TACR1: variants seen among roughly 807,000 people sequenced by gnomAD.
The protein encoded by TACR1 is tachykinin receptor 1.
In TACR1, 25 loss-of-function variants were observed where a neutral mutation model predicts 35.8. The ratio of observed to expected loss-of-function variants is 0.70; its 90% CI spans 0.51 to 0.98. TACR1 has a LOEUF of 0.98. Among genes scored for constraint, TACR1 ranks in the 50% least tolerant of loss-of-function variants. The pLI is 0.00. For synonymous variants in TACR1, 195 were observed against 206.7 expected (o/e 0.94, Z 0.48); for missense variants, 478 against 522.9 (o/e 0.91, Z 0.84).
At chr2:75,154,401 A>AGTGCGCGCGCGCGCGC (rs1553380901) in intron 1 of TACR1, 1 of 76,442 alleles carries the variant, frequency 1.3e-5, no homozygotes, top group Non-Finnish European at 2.7e-5. Flanking sequence ...ATCAGCCAAG[A>AGTGCGCGCGCGCGCGC]GCGCGCACGC....
At chr2:75,167,896 C>T (rs534772702) in intron 1 of TACR1, among the ~76,000 whole-genome samples, 1 of 152,044 alleles carries the variant, frequency 6.6e-6, no homozygotes, top group Admixed American at 6.6e-5. Flanking sequence ...CCATTGTTCA[C>T]TCATCAAATT....
chr2:75,080,924 C>G (rs979292214), intron 2 of TACR1, among the ~76,000 whole-genome samples: 1 of 151,552 alleles, frequency 6.6e-6, no homozygotes, highest in Admixed American at 6.6e-5. Context: ...GGAAGGAAGC[C>G]GTGGGTAGAA....
intron 1 of TACR1, among the ~76,000 whole-genome samples, chr2:75,182,270 A>G (rs536018521): frequency 1.2e-4 from 19 of 152,156 alleles, no homozygotes; most frequent in Non-Finnish European, 2.8e-4. Context: ...CATTGCCCCA[A>G]AATTTCTCTC....
At chr2:75,124,568 A>C (rs1674037267) in intron 1 of TACR1, among the ~76,000 whole-genome samples, 1 of 152,202 alleles carries the variant, frequency 6.6e-6, no homozygotes, top group African/African-American at 2.4e-5. Flanking sequence ...AGTCTAGCTC[A>C]AGGGTTGGCA....
At chr2:75,166,165 T>C (rs1675138604) in intron 1 of TACR1, among the ~76,000 whole-genome samples, 1 of 152,350 alleles carries the variant, frequency 6.6e-6, no homozygotes, top group African/African-American at 2.4e-5. Flanking sequence ...ACATTCATTA[T>C]TTAATAAAAT....
At chr2:75,147,088 T>C (rs982934216) in intron 1 of TACR1, among the ~76,000 whole-genome samples, 1 of 152,212 alleles carries the variant, frequency 6.6e-6, no homozygotes, top group African/African-American at 2.4e-5. Flanking sequence ...AGACGGTGAG[T>C]AGGATTCCTG....
intron 3 of TACR1, 69 bp from the exon 4 acceptor site, chr2:75,051,516 T>G: frequency 6.3e-7 from 1 of 1,586,040 alleles, no homozygotes; most frequent in Middle Eastern, 2.1e-4. Context: ...TCCTCTCTCC[T>G]CCCACGCCCT....
intron 1 of TACR1, among the ~76,000 whole-genome samples, chr2:75,153,634 G>T (rs1326491519): frequency 6.6e-6 from 1 of 152,182 alleles, no homozygotes; most frequent in Admixed American, 6.5e-5. Context: ...GAGTATTATT[G>T]AAATTGTGTA....
At chr2:75,190,150 T>G (rs541922090) in intron 1 of TACR1, among the ~76,000 whole-genome samples, 1 of 152,344 alleles carries the variant, frequency 6.6e-6, no homozygotes, top group East Asian at 1.9e-4. Flanking sequence ...ACAAATTGAA[T>G]ATCAATTAAA....
intron 1 of TACR1, among the ~76,000 whole-genome samples, chr2:75,171,214 G>C (rs1443136190): frequency 6.6e-6 from 1 of 152,172 alleles, no homozygotes; most frequent in African/African-American, 2.4e-5. Flanking sequence ...TTCCAGCTGT[G>C]GCTAAAAGGG....
chr2:75,056,155 G>A (rs1483725315), intron 2 of TACR1, among the ~76,000 whole-genome samples: 1 of 152,162 alleles, frequency 6.6e-6, no homozygotes, highest in Non-Finnish European at 1.5e-5. Context: ...GTGATTTAAT[G>A]ACTTTATTCA....
intron 1 of TACR1, among the ~76,000 whole-genome samples, chr2:75,123,210 C>T (rs1174289909): frequency 2.0e-5 from 3 of 152,238 alleles, no homozygotes; most frequent in Non-Finnish European, 4.4e-5. Flanking sequence ...ATAGTTCCTA[C>T]CCTCACTGGC....
intron 1 of TACR1, chr2:75,156,383 G>C (rs1454536137): frequency 6.6e-6 from 1 of 151,310 alleles, no homozygotes; most frequent in African/African-American, 2.4e-5. Flanking sequence ...TGGGAGGCCA[G>C]GGCGGGCGGA....
rs921648641 is a variant in TACR1 at position 75,047,383 on chromosome 2, A to G, written c.*2049T>C. 3.9e-5 allele frequency: 6 copies of G among 152,264 alleles called. No individual in the cohort carries two copies. Among genetic ancestry groups the G allele is most frequent in the Admixed American group, 1.3e-4 (2 of 15,286 alleles). The allele number at this position is 152,264 out of a possible 1,614,324, so 9.4% of individuals were successfully genotyped here. On this transcript the variant is annotated 3_prime_UTR_variant, in exon 5 of 5. Transcript: ENST00000305249. ...CTGGTGAGTTAGTTAGTGATGGCCA[A>G]TAAGGTAGGCTCTTCAAGAGCTGCA...
chr2:75,157,486 G>A (rs1674891795), intron 1 of TACR1, among the ~76,000 whole-genome samples: 1 of 152,184 alleles, frequency 6.6e-6, no homozygotes, highest in Non-Finnish European at 1.5e-5. Flanking sequence ...AGTTAAGAAG[G>A]GGGATTGTAC....
chr2:75,182,734 A>G (rs1675588516), intron 1 of TACR1, among the ~76,000 whole-genome samples: 1 of 152,176 alleles, frequency 6.6e-6, no homozygotes. Flanking sequence ...AGGGTATTCT[A>G]TATATAGCCC....
chr2:75,053,590 C>T lies in TACR1; in HGVS notation c.735+15G>A, dbSNP rs372411964. ...CTGTGCCAGGGTGGGTTAGTTCTGC[C>T]TGTCCCCTGCTCACCTTGCGCTTGG... is the stretch of plus-strand genomic sequence containing the variant. On this transcript the variant is annotated intron_variant, in intron 3 of 4. Coordinates refer to ENST00000305249, the MANE Select transcript of TACR1 (RefSeq NM_001058.4). 3 of 1,512,500 alleles carry T rather than the reference C, an allele frequency of 2.0e-6. No individual in the cohort carries two copies. The African/African-American group carries it at 4.2e-5, about 21-fold the overall frequency. The allele number at this position is 1,512,500 out of a possible 1,614,324, so 93.7% of individuals were successfully genotyped here.
chr2:75,136,534 A>G (rs1674293806), intron 1 of TACR1, among the ~76,000 whole-genome samples: 1 of 152,098 alleles, frequency 6.6e-6, no homozygotes, highest in South Asian at 2.1e-4. Flanking sequence ...GAACGAGTCT[A>G]GGGCCTGAAT....
At chr2:75,116,787 G>GTAATCCCA (rs1224948981) in intron 2 of TACR1, among the ~76,000 whole-genome samples, 1 of 152,076 alleles carries the variant, frequency 6.6e-6, no homozygotes, top group Non-Finnish European at 1.5e-5. Flanking sequence ...ATGGGCGCCT[G>GTAATCCCA]TAATCCCAGC....
Sources: gnomAD v4.1 joint callset for allele counts (sites outside exome capture counted in the v4.1 genomes callset) on GRCh38, gnomAD v4.1.1 for gene constraint, MANE v1.5 for transcripts, NCBI Gene and HGNC (gene_info 2026-07-23, HGNC 2026-07-21) for gene names.